GSK3B: variants seen among roughly 807,000 people sequenced by gnomAD.
GSK3B encodes glycogen synthase kinase 3 beta.
GSK3B carries 15 observed loss-of-function variants against 56.4 expected under a neutral mutation model. The observed-to-expected ratio is 0.27, with a 90% confidence interval of 0.18 to 0.41. GSK3B has a LOEUF of 0.41. Ranked by LOEUF, GSK3B falls within the 10% of genes least tolerant of loss-of-function variation. The probability of loss-of-function intolerance (pLI) is 1.00; values close to 1 mark genes in which losing one functional copy is unlikely to be tolerated. For synonymous variants in GSK3B, 181 were observed against 188.9 expected (o/e 0.96, Z 0.34); for missense variants, 300 against 513.4 (o/e 0.58, Z 4.02).
chr3:119,873,301 C>A (rs1204589432), intron 8 of GSK3B, among the ~76,000 whole-genome samples: 1 of 151,832 alleles, frequency 6.6e-6, no homozygotes, highest in East Asian at 1.9e-4. Flanking sequence ...CCACAAAAGA[C>A]ATTTTCTCTT....
At chr3:119,909,976 T>C (rs2056719842) in intron 6 of GSK3B, among the ~76,000 whole-genome samples, 1 of 152,238 alleles carries the variant, frequency 6.6e-6, no homozygotes, top group Non-Finnish European at 1.5e-5. Context: ...CTACTAGTGA[T>C]TTAAGCTGAT....
intron 1 of GSK3B, among the ~76,000 whole-genome samples, chr3:120,060,787 T>C (rs2058229950): frequency 6.6e-6 from 1 of 152,094 alleles, no homozygotes; most frequent in African/African-American, 2.4e-5. Context: ...AAGAAATCAA[T>C]TCTTAGGAAG....
At position 119,865,446 on chromosome 3, in the gene GSK3B, ATATATATATATATATATATATTTTTTT is replaced by A. The variant is rs1296395637; in HGVS notation, c.910-1868_910-1842del. On this transcript the variant is annotated intron_variant, in intron 8 of 10. Coordinates refer to ENST00000264235, the MANE Select transcript of GSK3B (RefSeq NM_001146156.2). Reference sequence around the variant, plus strand: ...ATAAGCTTATTTCCGATATATATATATATATATATATATATATATATTTTTTTTTTTTTTTTTTTTTTTGAGATGGAG... The same window carrying A: ...ATAAGCTTATTTCCGATATATATATATTTTTTTTTTTTTTTTGAGATGGAG... Among the ~76,000 whole-genome samples the A allele has an allele frequency of 3.1e-4, 5 of 16,048 alleles. No individual in the cohort carries two copies. The Admixed American group carries it at 3.3e-3, about 11-fold the overall frequency. The allele number at this position is 16,048 out of a possible 152,430, so 10.5% of individuals were successfully genotyped here. A position where few individuals can be genotyped will look rare whatever the true frequency, so the allele number is the denominator to read the frequency against.
At chr3:120,011,596 A>C (rs1576269916) in intron 1 of GSK3B, among the ~76,000 whole-genome samples, 1 of 152,242 alleles carries the variant, frequency 6.6e-6, no homozygotes, top group South Asian at 2.1e-4. Flanking sequence ...ACACTTTTGC[A>C]CATCTAGAGA....
At chr3:119,918,426 C>T (rs993585454) in intron 4 of GSK3B, among the ~76,000 whole-genome samples, 1 of 151,568 alleles carries the variant, frequency 6.6e-6, no homozygotes. Context: ...ACCCAGAATG[C>T]ACCACTGCAC....
At chr3:120,012,995 C>T (rs569421094) in intron 1 of GSK3B, among the ~76,000 whole-genome samples, 6 of 152,186 alleles carry the variant, frequency 3.9e-5, no homozygotes, top group African/African-American at 2.4e-5. Context: ...GTCTAGAATA[C>T]AATTTTTACA....
intron 2 of GSK3B, among the ~76,000 whole-genome samples, chr3:119,965,356 G>A (rs1427589361): frequency 6.6e-6 from 1 of 150,478 alleles, no homozygotes; most frequent in African/African-American, 2.4e-5. Context: ...TAGCCACCGT[G>A]CCCAGCCATT....
chr3:119,996,982 A>G (rs561106969), intron 2 of GSK3B, among the ~76,000 whole-genome samples: 25 of 152,302 alleles, frequency 1.6e-4, no homozygotes, highest in Non-Finnish European at 3.1e-4. Flanking sequence ...TCATGTTTAT[A>G]TATTACATTT....
intron 8 of GSK3B, among the ~76,000 whole-genome samples, chr3:119,869,312 G>A (rs2056225062): frequency 6.7e-6 from 1 of 149,454 alleles, no homozygotes; most frequent in Admixed American, 6.7e-5. Context: ...TGACATACAA[G>A]GTAATCCAAT....
At chr3:119,935,822 T>C (rs911881664) in intron 3 of GSK3B, among the ~76,000 whole-genome samples, 1 of 152,176 alleles carries the variant, frequency 6.6e-6, no homozygotes, top group Non-Finnish European at 1.5e-5. Context: ...TACTGATCGA[T>C]ATCCCTTATG....
At chr3:119,886,034 TAA>T (rs1392742559) in intron 7 of GSK3B, among the ~76,000 whole-genome samples, 1 of 151,762 alleles carries the variant, frequency 6.6e-6, no homozygotes, top group Non-Finnish European at 1.5e-5. Flanking sequence ...GCAATAAAAA[TAA>T]AAATTGGTGA....
intron 9 of GSK3B, among the ~76,000 whole-genome samples, chr3:119,852,927 A>G (rs1281216376): frequency 6.6e-6 from 1 of 152,172 alleles, no homozygotes; most frequent in East Asian, 1.9e-4. Context: ...CTTTAGCTTA[A>G]TTAGATCCCA....
intron 6 of GSK3B, among the ~76,000 whole-genome samples, chr3:119,906,534 TG>T (rs2056684298): frequency 6.6e-6 from 1 of 152,120 alleles, no homozygotes; most frequent in African/African-American, 2.4e-5. Context: ...GTATACATCC[TG>T]GTTTACCCAG....
chr3:119,957,018 A>C (rs1235395121), intron 2 of GSK3B, among the ~76,000 whole-genome samples: 2 of 152,172 alleles, frequency 1.3e-5, no homozygotes, highest in African/African-American at 4.8e-5. Flanking sequence ...TATAAATTTT[A>C]TTTACAAACA....
At position 120,019,270 on chromosome 3, in the gene GSK3B, G is replaced by C. The variant is rs964003443; in HGVS notation, c.89-17031C>G. Among the ~76,000 whole-genome samples, 10 of 151,732 alleles carry C rather than the reference G, an allele frequency of 6.6e-5. No homozygotes were observed. In the South Asian group the frequency reaches 2.1e-3, roughly 32 times the overall value. On this transcript the variant is annotated intron_variant, in intron 1 of 10. Coordinates refer to ENST00000264235, the MANE Select transcript of GSK3B (RefSeq NM_001146156.2). ...ACCATGTTATGAAAAAAAAAATACTGAAACAGTTCATATAAAAATACCATA... is the reference window on the plus strand; with the variant it reads ...ACCATGTTATGAAAAAAAAAATACTCAAACAGTTCATATAAAAATACCATA...
rs539322853 is a variant in GSK3B, at chr3:120,015,565, G to A, written c.89-13326C>T. On this transcript the variant is annotated intron_variant, in intron 1 of 10. Transcript: ENST00000264235. ...CTCGGGAGGCTGAGGCAAGAGAATC[G>A]CTTGAACCCAGGAGGTGGAGGTTGC... Among the ~76,000 whole-genome samples the A allele has an allele frequency of 6.5e-5, 9 of 138,908 alleles. No individual in the cohort carries two copies. The East Asian group carries it at 1.1e-3, about 17-fold the overall frequency. The allele number at this position is 138,908 out of a possible 152,430, so 91.1% of individuals were successfully genotyped here. A position where few individuals can be genotyped will look rare whatever the true frequency, so the allele number is the denominator to read the frequency against.
intron 7 of GSK3B, among the ~76,000 whole-genome samples, chr3:119,878,934 C>T (rs2056346732): frequency 1.3e-5 from 2 of 152,112 alleles, no homozygotes; most frequent in African/African-American, 4.8e-5. Context: ...TACAAAGGGA[C>T]ACTAGGAAAC....
At chr3:119,894,395 A>G (rs1374171341) in intron 7 of GSK3B, among the ~76,000 whole-genome samples, 1 of 152,132 alleles carries the variant, frequency 6.6e-6, no homozygotes, top group Non-Finnish European at 1.5e-5. Context: ...TGAAGGTTCC[A>G]GTTTCCCCAT....
intron 7 of GSK3B, among the ~76,000 whole-genome samples, chr3:119,899,107 G>C (rs1379422972): frequency 6.6e-6 from 1 of 152,046 alleles, no homozygotes; most frequent in Non-Finnish European, 1.5e-5. Flanking sequence ...GTCCATGGCT[G>C]GATGTCAGGA....
Sources: gnomAD v4.1 joint callset for allele counts (sites outside exome capture counted in the v4.1 genomes callset) on GRCh38, gnomAD v4.1.1 for gene constraint, MANE v1.5 for transcripts, NCBI Gene and HGNC (gene_info 2026-07-23, HGNC 2026-07-21) for gene names.